AUTS2: variants seen among roughly 807,000 people sequenced by gnomAD.
The protein encoded by AUTS2 is activator of transcription and developmental regulator AUTS2, also known as autism susceptibility gene 2 protein.
Under a neutral mutation model 112.4 loss-of-function variants are expected in AUTS2, and 17 were observed. The observed-to-expected ratio is 0.15, with a 90% CI of 0.10 to 0.23. The LOEUF is 0.23. AUTS2 is among the 10% of genes least tolerant of loss of function. The probability of loss-of-function intolerance (pLI) is 1.00; values close to 1 mark genes in which losing one functional copy is unlikely to be tolerated. For synonymous variants in AUTS2, 751 were observed against 702.7 expected (o/e 1.07, Z -1.09); for missense variants, 1,510 against 1,701.6 (o/e 0.89, Z 1.98).
At chr7:70,248,719 T>C (rs1284221330) in intron 4 of AUTS2, among the ~76,000 whole-genome samples, 1 of 152,200 alleles carries the variant, frequency 6.6e-6, no homozygotes, top group Non-Finnish European at 1.5e-5. Context: ...CTGTAAACCA[T>C]TTTCATTCTT....
Position 69,599,696 on chromosome 7 carries a change from C to T in AUTS2, c.43C>T (p.Arg15Trp). Residue 15 changes from arginine (R) to tryptophan (W), a missense_variant, in exon 1 of 19, where the codon CGG (arginine) becomes TGG (tryptophan). Physicochemically the swap from Arg to Trp is moderately radical, Grantham distance 101 (BLOSUM62 -3). Around this residue, in one of 3 missense-constraint regions of AUTS2, gnomAD observed 535 missense variants for 594.3 expected, o/e 0.90. Transcript: ENST00000342771. This position sits in a 1 kb window ranked among gnomAD's most constrained non-coding sequence, Gnocchi z 7.0. ...TRGHGLRKKRRSRSQRDRERR... is the reference protein window; with the variant it reads ...TRGHGLRKKRWSRSQRDRERR... ...GGGCCATGGACTCCGCAAAAAGCGG[C>T]GGTCGCGGTCGCAGCGAGACCGGGA... The T allele has an allele frequency of 7.5e-7, 1 of 1,325,320 alleles. No homozygotes were observed. The highest frequency in any genetic ancestry group is 9.6e-7 in the Non-Finnish European group (1 of 1,042,050). The allele number at this position is 1,325,320 out of a possible 1,614,324, so 82.1% of individuals were successfully genotyped here.
At chr7:69,689,343 A>ATTTTTTTTTTTTTTTTTTT (rs530444257) in intron 1 of AUTS2, among the ~76,000 whole-genome samples, 1 of 102,500 alleles carries the variant, frequency 9.8e-6, no homozygotes, top group Non-Finnish European at 1.9e-5. Flanking sequence ...TAATTAATTA[A>ATTTTTTTTTTTTTTTTTTT]TTTTTTTTTT....
At chr7:69,860,622 A>T (rs534298650) in intron 1 of AUTS2, among the ~76,000 whole-genome samples, 1 of 152,104 alleles carries the variant, frequency 6.6e-6, no homozygotes, top group Admixed American at 6.5e-5. Flanking sequence ...CTCTCCTCAG[A>T]TTCAATTGTA....
intron 1 of AUTS2, among the ~76,000 whole-genome samples, chr7:69,604,954 G>A (rs909149404): frequency 6.6e-6 from 1 of 152,182 alleles, no homozygotes; most frequent in Non-Finnish European, 1.5e-5. Flanking sequence ...GTGATCTACC[G>A]CCAAATAGTT....
At chr7:70,399,238 C>T (rs1240431298) in intron 4 of AUTS2, among the ~76,000 whole-genome samples, 1 of 152,040 alleles carries the variant, frequency 6.6e-6, no homozygotes, top group East Asian at 1.9e-4. Context: ...GATCCTCCTA[C>T]CTTAGCTTCT....
intron 1 of AUTS2, among the ~76,000 whole-genome samples, chr7:69,605,106 G>A (rs1213352878): frequency 1.3e-5 from 2 of 152,150 alleles, no homozygotes; most frequent in East Asian, 1.9e-4. Context: ...TGACCACAGA[G>A]CACTTTTATT....
chr7:69,801,197 GTTAA>G (rs754641999), intron 1 of AUTS2, among the ~76,000 whole-genome samples: 41 of 150,320 alleles, frequency 2.7e-4, no homozygotes, highest in Middle Eastern at 6.8e-3. Context: ...AAAACAATAT[GTTAA>G]TTAATGGGGT....
intron 1 of AUTS2, among the ~76,000 whole-genome samples, chr7:69,625,759 G>A (rs1157699553): frequency 2.0e-5 from 3 of 152,120 alleles, no homozygotes; most frequent in African/African-American, 7.2e-5. Context: ...TCGGGAGGCT[G>A]AGGCAGTAGG....
At chr7:70,422,604 C>G (rs570755527) in intron 4 of AUTS2, among the ~76,000 whole-genome samples, 126 of 152,230 alleles carry the variant, frequency 8.3e-4, no homozygotes, top group Non-Finnish European at 1.4e-3. Flanking sequence ...TGGTGAAACC[C>G]TGTCTGTACT....
chr7:70,599,716 A>C (rs1033056240), intron 5 of AUTS2, among the ~76,000 whole-genome samples: 1 of 152,208 alleles, frequency 6.6e-6, no homozygotes, highest in Non-Finnish European at 1.5e-5. Flanking sequence ...TAGGTAGAGC[A>C]AGAAGTCAAG....
At chr7:69,893,637 G>A (rs1337805323) in intron 1 of AUTS2, among the ~76,000 whole-genome samples, 1 of 152,208 alleles carries the variant, frequency 6.6e-6, no homozygotes, top group Admixed American at 6.5e-5. Flanking sequence ...TTGGGTGCAT[G>A]CAGACACATA....
At chr7:69,894,815 C>T (rs185094529) in intron 1 of AUTS2, among the ~76,000 whole-genome samples, 3 of 152,158 alleles carry the variant, frequency 2.0e-5, no homozygotes, top group African/African-American at 7.2e-5. Context: ...TGTTCTGCCA[C>T]TCTTCATTTG....
intron 4 of AUTS2, among the ~76,000 whole-genome samples, chr7:70,297,171 CT>C (rs1469492506): frequency 4.6e-5 from 7 of 151,914 alleles, no homozygotes; most frequent in Non-Finnish European, 1.0e-4. Context: ...ACTTTTAACC[CT>C]GCCTTACACC....
intron 5 of AUTS2, among the ~76,000 whole-genome samples, chr7:70,495,936 A>T (rs1397441255): frequency 4.1e-5 from 6 of 145,820 alleles, no homozygotes; most frequent in Admixed American, 2.1e-4. Flanking sequence ...ACACAGTCAC[A>T]CACACACACC....
chr7:69,968,637 C>G (rs1421032909), intron 2 of AUTS2, among the ~76,000 whole-genome samples: 2 of 152,016 alleles, frequency 1.3e-5, no homozygotes, highest in African/African-American at 4.8e-5. Flanking sequence ...TGAAATCTTC[C>G]CTCCTTGATT....
At chr7:70,635,140 A>C (rs1273068361) in intron 5 of AUTS2, among the ~76,000 whole-genome samples, 1 of 152,270 alleles carries the variant, frequency 6.6e-6, no homozygotes, top group East Asian at 1.9e-4. Context: ...GGGGTCTTTC[A>C]TGCCACGTTA....
chr7:70,600,263 T>G, intron 5 of AUTS2, among the ~76,000 whole-genome samples: 1 of 152,130 alleles, frequency 6.6e-6, no homozygotes, highest in Non-Finnish European at 1.5e-5. Context: ...GTTTTTAGGT[T>G]TTTTGTTTTG....
intron 1 of AUTS2, among the ~76,000 whole-genome samples, chr7:69,858,456 T>A (rs1286546862): frequency 6.6e-6 from 1 of 152,156 alleles, no homozygotes; most frequent in Non-Finnish European, 1.5e-5. Flanking sequence ...TCCTCCTCTA[T>A]TGTAAAGAGA....
intron 2 of AUTS2, among the ~76,000 whole-genome samples, chr7:69,928,537 G>A (rs1562974443): frequency 6.6e-6 from 1 of 152,206 alleles, no homozygotes; most frequent in African/African-American, 2.4e-5. Context: ...CCAATGTCTG[G>A]AGGGGCCTGA....
Sources: allele counts gnomAD v4.1 joint callset (sites outside exome capture counted in the v4.1 genomes callset), GRCh38; gene constraint gnomAD v4.1.1; regional missense constraint gnomAD v4.1.1; non-coding constraint Gnocchi (gnomAD v3.1); transcripts MANE v1.5; gene names NCBI Gene and HGNC (gene_info 2026-07-23, HGNC 2026-07-21).